KSR1: variants seen among roughly 807,000 people sequenced by gnomAD.
The protein encoded by KSR1 is kinase suppressor of ras 1.
A neutral mutation model predicts 92.9 loss-of-function variants in KSR1; 35 were observed. The ratio of observed to expected loss-of-function variants is 0.38; its 90% CI spans 0.29 to 0.50. The LOEUF (loss-of-function observed/expected upper bound fraction) is 0.50, where lower values mean the gene tolerates loss of function less well. Ranked by LOEUF, KSR1 falls within the 20% of genes least tolerant of loss-of-function variation. The pLI, the probability that KSR1 is intolerant of heterozygous loss-of-function variation, is 0.94. For synonymous variants in KSR1, 467 were observed against 472.6 expected, an observed-to-expected ratio of 0.99 and a Z score of 0.15; for missense variants, 972 against 1,158.5, an observed-to-expected ratio of 0.84 and a Z score of 2.34.
At chr17:27,504,881 G>A (rs879645474) in intron 1 of KSR1, among the ~76,000 whole-genome samples, 4 of 152,206 alleles carry the variant, frequency 2.6e-5, no homozygotes, top group African/African-American at 4.8e-5. Flanking sequence ...GTTCCCAGCA[G>A]CACAGAGCAA....
intron 1 of KSR1, among the ~76,000 whole-genome samples, chr17:27,485,381 C>G (rs550564897): frequency 6.6e-6 from 1 of 152,158 alleles, no homozygotes; most frequent in African/African-American, 2.4e-5. Flanking sequence ...CTGGCTTGCA[C>G]GCTCCCATTC....
At chr17:27,517,949 G>A (rs181691763) in intron 1 of KSR1, among the ~76,000 whole-genome samples, 7 of 152,308 alleles carry the variant, frequency 4.6e-5, no homozygotes, top group East Asian at 3.9e-4. Context: ...GCAGTAACAC[G>A]ATTCAAGCTA....
intron 1 of KSR1, among the ~76,000 whole-genome samples, chr17:27,523,835 T>C (rs547720718): frequency 1.3e-5 from 2 of 152,328 alleles, no homozygotes; most frequent in South Asian, 4.1e-4. Flanking sequence ...ATGTGTCATG[T>C]ATATATTCCT....
chr17:27,609,146 G>C, intron 15 of KSR1, 50 bp from the exon 16 acceptor site: 1 of 1,577,612 alleles, frequency 6.3e-7, no homozygotes, highest in Admixed American at 1.8e-5. Flanking sequence ...GCCCAGGGTG[G>C]CACCTCCGTC....
chr17:27,590,919 G>A lies in KSR1; in HGVS notation c.1130+25G>A, dbSNP rs565449315. ...GGTGATGGGAAGAGGAGTGGGGGTG[G>A]GGGGAGCAGACACTTTTAGTTCAGT... On this transcript the variant is annotated intron_variant, in intron 7 of 20. Transcript: ENST00000644974. 8 of 1,587,662 alleles carry A rather than the reference G, an allele frequency of 5.0e-6. No individual in the cohort carries two copies. In the African/African-American group the frequency reaches 1.1e-4, roughly 21 times the overall value.
rs2019323516 is a variant in KSR1, at chr17:27,459,260, G to A, written c.231+2386G>A. 6.6e-6 allele frequency among the ~76,000 whole-genome samples: 1 copy of A among 152,194 alleles called. No homozygotes were observed. The highest frequency in any genetic ancestry group is 2.4e-5 in the African/African-American group (1 of 41,448). ...GTCTGTCAGTCCGTGCTGATACTAC[G>A]AAAAGAGTCTGCCTGGCAGCTGCCC... On this transcript the variant is annotated intron_variant, in intron 1 of 20. Coordinates refer to ENST00000644974, the MANE Select transcript of KSR1 (RefSeq NM_001394583.1). This position sits in a 1 kb window ranked among gnomAD's most constrained non-coding sequence, Gnocchi z 4.6.
chr17:27,564,149 C>A (rs1362899645), intron 2 of KSR1, among the ~76,000 whole-genome samples: 1 of 152,082 alleles, frequency 6.6e-6, no homozygotes, highest in Non-Finnish European at 1.5e-5. Context: ...TCACCACACC[C>A]AGCTAATTTT....
At chr17:27,574,704 A>C (rs1485075966) in intron 2 of KSR1, among the ~76,000 whole-genome samples, 1 of 152,220 alleles carries the variant, frequency 6.6e-6, no homozygotes, top group Admixed American at 6.5e-5. Context: ...ACAGCATGTA[A>C]ATGGAATGAC....
chr17:27,601,325 C>T (rs759443540), intron 10 of KSR1, 35 bp from the exon 11 acceptor site: 3 of 1,597,558 alleles, frequency 1.9e-6, no homozygotes, highest in African/African-American at 2.7e-5. Context: ...GTTGGCCGTT[C>T]TGTGTGTGTG....
chr17:27,530,003 C>G (rs576929078), intron 1 of KSR1, among the ~76,000 whole-genome samples: 1 of 152,130 alleles, frequency 6.6e-6, no homozygotes, highest in Non-Finnish European at 1.5e-5. Context: ...AGTGGGTACT[C>G]GATACTCTTG....
At chr17:27,613,229 G>A (rs1256367377) in intron 18 of KSR1, 2 of 152,656 alleles carry the variant, frequency 1.3e-5, no homozygotes, top group Non-Finnish European at 2.9e-5. Context: ...TCTGGGCCAG[G>A]GCCAGTTAAA....
intron 1 of KSR1, among the ~76,000 whole-genome samples, chr17:27,531,555 CT>C (rs10719252): frequency 0.41 from 62,389 of 152,084 alleles, 13,485 homozygotes; most frequent in African/African-American, 0.54. Flanking sequence ...TGGGCGAGTG[CT>C]TGGGGGAGAA....
At chr17:27,457,158 C>G (rs950765222) in intron 1 of KSR1, among the ~76,000 whole-genome samples, 51 of 152,152 alleles carry the variant, frequency 3.4e-4, no homozygotes, top group Admixed American at 1.4e-3. Flanking sequence ...CTTCTCCGCC[C>G]CCACCCCATT....
chr17:27,528,226 C>A (rs909048255), intron 1 of KSR1, among the ~76,000 whole-genome samples: 2 of 152,068 alleles, frequency 1.3e-5, no homozygotes, highest in African/African-American at 4.8e-5. Context: ...GCCACCATGC[C>A]TGGCTAATTT....
At chr17:27,613,519 C>T (rs541721077) in intron 18 of KSR1, among the ~76,000 whole-genome samples, 11 of 152,350 alleles carry the variant, frequency 7.2e-5, no homozygotes, top group African/African-American at 2.2e-4. Context: ...GCATAAGGCG[C>T]GAATTCCTGG....
chr17:27,523,502 C>T (rs2070127767), intron 1 of KSR1, among the ~76,000 whole-genome samples: 1 of 152,026 alleles, frequency 6.6e-6, no homozygotes, highest in Non-Finnish European at 1.5e-5. Context: ...GGCAAATAAA[C>T]AGCTGGAGGC....
chr17:27,517,564 G>C (rs989593711), intron 1 of KSR1, among the ~76,000 whole-genome samples: 2 of 152,152 alleles, frequency 1.3e-5, no homozygotes, highest in Non-Finnish European at 2.9e-5. Flanking sequence ...CCAAAATGAT[G>C]GGATTACAGG....
At chr17:27,588,593 G>A in intron 6 of KSR1, 58 bp downstream of exon 6, 5 of 1,452,058 alleles carry the variant, frequency 3.4e-6, no homozygotes, top group East Asian at 5.0e-5. Flanking sequence ...ACCCAGATGG[G>A]GCCAGGAGTT....
At chr17:27,618,061 TG>T (rs1231934463) in intron 19 of KSR1, among the ~76,000 whole-genome samples, 1 of 152,094 alleles carries the variant, frequency 6.6e-6, no homozygotes, top group Non-Finnish European at 1.5e-5. Context: ...AGGGGCAAGA[TG>T]GGGCCAGTTA....
Sources: allele counts gnomAD v4.1 joint callset (sites outside exome capture counted in the v4.1 genomes callset), GRCh38; gene constraint gnomAD v4.1.1; non-coding constraint Gnocchi (gnomAD v3.1); transcripts MANE v1.5; gene names NCBI Gene and HGNC (gene_info 2026-07-23, HGNC 2026-07-21).